The following ITGBL1 variants were observed in gnomAD, a reference collection of about 807,000 sequenced individuals.
The protein encoded by ITGBL1 is integrin beta-like protein 1.
A neutral mutation model predicts 68.5 loss-of-function variants in ITGBL1; 51 were observed. The ratio of observed to expected loss-of-function variants is 0.74; its 90% CI spans 0.59 to 0.94. The LOEUF (loss-of-function observed/expected upper bound fraction) is 0.94, where lower values mean the gene tolerates loss of function less well. ITGBL1 is among the 40% of genes least tolerant of loss of function. The probability of loss-of-function intolerance (pLI) is 0.00; values close to 1 mark genes in which losing one functional copy is unlikely to be tolerated. For missense variants in ITGBL1, 649 were observed against 647.4 expected (o/e 1.00, Z -0.03); for synonymous variants, 209 against 227.3 (o/e 0.92, Z 0.72).
chr13:101,488,323 A>G (rs896206832), intron 2 of ITGBL1, among the ~76,000 whole-genome samples: 1 of 152,182 alleles, frequency 6.6e-6, no homozygotes, highest in Non-Finnish European at 1.5e-5. Context: ...TGATGTATAC[A>G]TTTAACTGAC....
chr13:101,597,456 T>A, intron 6 of ITGBL1, among the ~76,000 whole-genome samples: 1 of 148,082 alleles, frequency 6.8e-6, no homozygotes, highest in Non-Finnish European at 1.5e-5. Context: ...GCTTCAAAAA[T>A]ACAGTTAGTC....
chr13:101,648,285 A>G (rs547143753), intron 7 of ITGBL1, among the ~76,000 whole-genome samples: 59 of 152,242 alleles, frequency 3.9e-4, no homozygotes, highest in Non-Finnish European at 5.1e-4. Flanking sequence ...TATTGGAATT[A>G]TCAAATATGT....
intron 1 of ITGBL1, 58 bp from the exon 2 acceptor site, chr13:101,453,825 G>A: frequency 2.6e-6 from 3 of 1,155,656 alleles, no homozygotes; most frequent in Non-Finnish European, 3.2e-6. Context: ...CGTGGGTTCG[G>A]AGCAGGGGGC....
intron 7 of ITGBL1, among the ~76,000 whole-genome samples, chr13:101,604,887 T>TACACATACATACACAC (rs1555361673): frequency 0.059 from 1,304 of 22,102 alleles, 130 homozygotes; most frequent in Admixed American, 0.11. Context: ...TATATATATA[T>TACACATACATACACAC]ACACACACAC....
intron 2 of ITGBL1, among the ~76,000 whole-genome samples, chr13:101,484,803 A>C (rs2139046785): frequency 6.6e-6 from 1 of 152,212 alleles, no homozygotes; most frequent in South Asian, 2.1e-4. Context: ...GAACTGGCAA[A>C]ATATTTGAAG....
chr13:101,685,616 GATT>G (rs1211135660), intron 7 of ITGBL1, among the ~76,000 whole-genome samples: 4 of 152,014 alleles, frequency 2.6e-5, no homozygotes, highest in Non-Finnish European at 5.9e-5. Flanking sequence ...CTTTTGAAAA[GATT>G]ATTATATATA....
At chr13:101,659,060 T>C (rs1168935521) in intron 7 of ITGBL1, among the ~76,000 whole-genome samples, 1 of 148,628 alleles carries the variant, frequency 6.7e-6, no homozygotes, top group African/African-American at 2.5e-5. Context: ...TTTTTTTTTT[T>C]TGAGGCGGAA....
At chr13:101,720,414 A>AGTC (rs2034889558), downstream of ITGBL1, 1 of 152,138 alleles carries the variant, frequency 6.6e-6, no homozygotes, top group East Asian at 1.9e-4. Context: ...CATAAATCTC[A>AGTC]GTCATTTACA....
chr13:101,621,027 G>A lies in ITGBL1; in HGVS notation c.1015+22728G>A, dbSNP rs188150274. Among the ~76,000 whole-genome samples, 11 of 152,250 alleles carry A rather than the reference G, an allele frequency of 7.2e-5. No homozygotes were observed. In the East Asian group the frequency reaches 2.1e-3, roughly 29 times the overall value. ...CAAATCAATTGTGAAGATGGAGCAG[G>A]TGCTGTGATTCAGCCTTTCTTTATA... On this transcript the variant is annotated intron_variant, in intron 7 of 10. Transcript: ENST00000376180.
chr13:101,598,167 A>G lies in ITGBL1; in HGVS notation c.883A>G (p.Asn295Asp). 1 of 1,613,258 alleles carries G rather than the reference A, an allele frequency of 6.2e-7. No individual in the cohort carries two copies. Among genetic ancestry groups the G allele is most frequent in the Non-Finnish European group, 8.5e-7 (1 of 1,179,638 alleles). ...DDFCSGHGQC[N>D]CGRCDCKAGW... ...TCACTGTGAAGGTCATGGACAGTGT[A>G]ATTGCGGAAGATGTGACTGCAAAGC... Residue 295 changes from asparagine (N) to aspartate (D), a missense_variant, in exon 7 of 11, where the codon AAT becomes GAT. Asn to Asp is a conservative substitution (Grantham distance 23). Coordinates refer to ENST00000376180, the MANE Select transcript of ITGBL1 (RefSeq NM_004791.3).
intron 7 of ITGBL1, among the ~76,000 whole-genome samples, chr13:101,628,120 G>A (rs1235847256): frequency 1.3e-5 from 2 of 152,162 alleles, no homozygotes; most frequent in East Asian, 1.9e-4. Context: ...TGTTTTCAGT[G>A]TTCTGGATTT....
At chr13:101,563,976 T>G (rs2050140634) in intron 2 of ITGBL1, among the ~76,000 whole-genome samples, 1 of 151,860 alleles carries the variant, frequency 6.6e-6, no homozygotes, top group Non-Finnish European at 1.5e-5. Context: ...ATGAGGTATA[T>G]CTCAAGATGC....
At chr13:101,517,480 G>T (rs2049214214) in intron 2 of ITGBL1, among the ~76,000 whole-genome samples, 1 of 152,152 alleles carries the variant, frequency 6.6e-6, no homozygotes, top group Non-Finnish European at 1.5e-5. Flanking sequence ...TAATCAGAAT[G>T]ACTGGGATTC....
At chr13:101,634,151 T>G (rs1021362733) in intron 7 of ITGBL1, among the ~76,000 whole-genome samples, 3 of 152,164 alleles carry the variant, frequency 2.0e-5, no homozygotes, top group African/African-American at 7.2e-5. Flanking sequence ...TCATTCAAAT[T>G]CAATCGAATA....
chr13:101,500,229 A>C (rs1052080321), intron 2 of ITGBL1, among the ~76,000 whole-genome samples: 1 of 152,210 alleles, frequency 6.6e-6, no homozygotes, highest in African/African-American at 2.4e-5. Flanking sequence ...TATATTATGC[A>C]GTATCTCTTT....
intron 7 of ITGBL1, among the ~76,000 whole-genome samples, chr13:101,651,941 T>C (rs2032766830): frequency 6.6e-6 from 1 of 152,136 alleles, no homozygotes; most frequent in Admixed American, 6.5e-5. Flanking sequence ...CTTTCCCCAT[T>C]GCTTGTTTTC....
chr13:101,599,155 G>A (rs947833393), intron 7 of ITGBL1, among the ~76,000 whole-genome samples: 2 of 151,742 alleles, frequency 1.3e-5, no homozygotes, highest in African/African-American at 4.8e-5. Context: ...GTATCTCATT[G>A]TGGTTTTGAT....
chr13:101,679,910 A>T (rs1397988712), intron 7 of ITGBL1, among the ~76,000 whole-genome samples: 1 of 152,190 alleles, frequency 6.6e-6, no homozygotes, highest in Non-Finnish European at 1.5e-5. Flanking sequence ...AATTTGCTTA[A>T]ATGTCTTAGT....
At chr13:101,720,575 T>G (rs1419040749), downstream of ITGBL1, 4 of 151,884 alleles carry the variant, frequency 2.6e-5, no homozygotes, top group African/African-American at 9.7e-5. Flanking sequence ...TATATGTGTG[T>G]GTTTGTGTGA....
Sources: allele counts gnomAD v4.1 joint callset (sites outside exome capture counted in the v4.1 genomes callset), GRCh38; gene constraint gnomAD v4.1.1; transcripts MANE v1.5; gene names NCBI Gene and HGNC (gene_info 2026-07-23, HGNC 2026-07-21).